DNAJC1: variants seen among roughly 807,000 people sequenced by gnomAD.
DNAJC1 encodes DnaJ heat shock protein family (Hsp40) member C1, also known as dnaJ homolog subfamily C member 1.
A neutral mutation model predicts 76.6 loss-of-function variants in DNAJC1; 58 were observed. That is an observed-to-expected ratio of 0.76 (90% CI 0.61 to 0.94). The LOEUF is 0.94. Among genes scored for constraint, DNAJC1 ranks in the 40% least tolerant of loss-of-function variants. The pLI is 0.00. For missense variants in DNAJC1, 689 were observed against 677.3 expected, an observed-to-expected ratio of 1.02 and a Z score of -0.19; for synonymous variants, 258 against 267.9, an observed-to-expected ratio of 0.96 and a Z score of 0.36.
Position 21,836,964 on chromosome 10 carries a change from G to A in DNAJC1, c.979-30865C>T, listed in dbSNP as rs560838242. ...CACGGTCTCCCTCTGATGCCGAGCC[G>A]AAGCTAGACTGTACTGCTGCCATCT... On this transcript the variant is annotated intron_variant, in intron 8 of 11. Transcript: ENST00000376980. Among the ~76,000 whole-genome samples the A allele has an allele frequency of 7.9e-5, 12 of 152,306 alleles. No homozygotes were observed. In the South Asian group the frequency reaches 1.2e-3, roughly 16 times the overall value.
chr10:21,759,424 C>G lies in DNAJC1; in HGVS notation c.1342G>C (p.Ala448Pro), dbSNP rs1364538652. Reference protein sequence around the residue: ...TDARPRRRKPARLLEATAKPE... With the variant: ...TDARPRRRKPPRLLEATAKPE... ...TTCGCTGTAGCCTCCAGCAGCCTGG[C>G]TGGCTTCCGCCTCCGAGGCCGGGCA... The change falls in exon 11 of 12, where the codon GCC (alanine) becomes CCC (proline). Residue 448 changes from alanine (A) to proline (P), a missense_variant. By Grantham distance (27) the Ala-to-Pro change is conservative (BLOSUM62 -1). Coordinates refer to ENST00000376980, the MANE Select transcript of DNAJC1 (RefSeq NM_022365.4). 2 of 1,614,164 alleles carry G rather than the reference C, an allele frequency of 1.2e-6. No individual in the cohort carries two copies. The highest frequency in any genetic ancestry group is 8.5e-7 in the Non-Finnish European group (1 of 1,180,036).
At chr10:21,874,814 T>C (rs199908771) in intron 8 of DNAJC1, among the ~76,000 whole-genome samples, 1 of 152,214 alleles carries the variant, frequency 6.6e-6, no homozygotes, top group East Asian at 1.9e-4. Flanking sequence ...ACAAAAATGT[T>C]ATAAAAAGCC....
intron 9 of DNAJC1, among the ~76,000 whole-genome samples, chr10:21,784,074 C>T (rs1055835418): frequency 2.0e-5 from 3 of 152,184 alleles, no homozygotes; most frequent in East Asian, 1.9e-4. Flanking sequence ...AGCTAAACAG[C>T]TTCTGCACAG....
intron 8 of DNAJC1, among the ~76,000 whole-genome samples, chr10:21,865,055 G>A (rs919073423): frequency 2.6e-5 from 4 of 152,042 alleles, no homozygotes; most frequent in African/African-American, 9.7e-5. Context: ...AATTAAAGAG[G>A]GTGATGATAA....
intron 1 of DNAJC1, among the ~76,000 whole-genome samples, chr10:21,932,364 T>C (rs1250283258): frequency 6.6e-6 from 1 of 151,926 alleles, no homozygotes; most frequent in Non-Finnish European, 1.5e-5. Context: ...CAACAAACCC[T>C]GAAAATAATG....
At chr10:21,862,427 A>AT (rs535547596) in intron 8 of DNAJC1, among the ~76,000 whole-genome samples, 1,724 of 131,852 alleles carry the variant, frequency 0.013, 29 homozygotes, top group African/African-American at 0.032. Context: ...CTGTTACTAC[A>AT]TTTTTTTTTT....
intron 6 of DNAJC1, among the ~76,000 whole-genome samples, chr10:21,911,463 TAA>T (rs957050770): frequency 2.6e-5 from 4 of 152,274 alleles, no homozygotes; most frequent in South Asian, 2.1e-4. Context: ...TACATTTTGA[TAA>T]GAGTCAAAAT....
chr10:21,885,081 A>G (rs969436036), intron 7 of DNAJC1, among the ~76,000 whole-genome samples: 1 of 152,100 alleles, frequency 6.6e-6, no homozygotes, highest in Non-Finnish European at 1.5e-5. Context: ...CAAGCTGGAT[A>G]AAAAAACAAG....
At chr10:21,789,978 C>A (rs1834660766) in intron 9 of DNAJC1, among the ~76,000 whole-genome samples, 1 of 139,120 alleles carries the variant, frequency 7.2e-6, no homozygotes. Context: ...CCACTACACT[C>A]CAGCCTGGGC....
At chr10:21,984,856 A>G (rs180999506) in intron 1 of DNAJC1, among the ~76,000 whole-genome samples, 4 of 152,332 alleles carry the variant, frequency 2.6e-5, no homozygotes, top group Admixed American at 6.5e-5. Flanking sequence ...ATGCAACAGT[A>G]GAAATAACCT....
At chr10:21,893,165 A>G (rs1836485009) in intron 7 of DNAJC1, among the ~76,000 whole-genome samples, 1 of 152,194 alleles carries the variant, frequency 6.6e-6, no homozygotes, top group African/African-American at 2.4e-5. Context: ...TTTAACTCAT[A>G]CAGAGTATGC....
intron 1 of DNAJC1, among the ~76,000 whole-genome samples, chr10:21,970,779 GA>G (rs1264298596): frequency 3.3e-5 from 5 of 151,716 alleles, no homozygotes; most frequent in South Asian, 2.1e-4. Context: ...ATTATGGTAT[GA>G]AAAAAAAGAT....
At chr10:21,811,792 G>C (rs774831170) in intron 8 of DNAJC1, among the ~76,000 whole-genome samples, 4 of 152,106 alleles carry the variant, frequency 2.6e-5, no homozygotes, top group Non-Finnish European at 5.9e-5. Context: ...TCTCTCAGTG[G>C]TCATGTTTTA....
intron 8 of DNAJC1, among the ~76,000 whole-genome samples, chr10:21,868,101 A>C (rs1170843717): frequency 6.8e-6 from 1 of 147,350 alleles, no homozygotes; most frequent in Non-Finnish European, 1.5e-5. Flanking sequence ...AAAAAAAAAA[A>C]CAACAACTGG....
intron 8 of DNAJC1, among the ~76,000 whole-genome samples, chr10:21,881,128 C>CT (rs1836268648): frequency 6.6e-6 from 1 of 152,220 alleles, no homozygotes; most frequent in South Asian, 2.1e-4. Flanking sequence ...AGCTTCCTCA[C>CT]TTCTCTTGGC....
chr10:21,924,882 A>T (rs1438163707), intron 3 of DNAJC1, among the ~76,000 whole-genome samples: 1 of 152,218 alleles, frequency 6.6e-6, no homozygotes, highest in Non-Finnish European at 1.5e-5. Context: ...TGTACTGAAC[A>T]CTGTAGGCAA....
chr10:21,764,011 T>C (rs183605428), intron 10 of DNAJC1, among the ~76,000 whole-genome samples: 27 of 152,136 alleles, frequency 1.8e-4, no homozygotes, highest in Non-Finnish European at 1.9e-4. Context: ...TGCCTTAAGA[T>C]AAAAACAAAG....
At chr10:21,998,389 C>CAAA (rs60371730) in intron 1 of DNAJC1, among the ~76,000 whole-genome samples, 62 of 95,654 alleles carry the variant, frequency 6.5e-4, no homozygotes, top group Admixed American at 1.3e-3. Flanking sequence ...GACTCCATCT[C>CAAA]AAAAAAAAAA....
chr10:21,884,551 A>C lies in DNAJC1; in HGVS notation c.821-2112T>G, dbSNP rs73594516. Reference sequence around the variant, plus strand: ...GCCTTTTCCCCAGCAATTCTCCCAGAAACAAAAGTACTCAAATATAACTGT... The same window carrying C: ...GCCTTTTCCCCAGCAATTCTCCCAGCAACAAAAGTACTCAAATATAACTGT... On this transcript the variant is annotated intron_variant, in intron 7 of 11. Coordinates refer to ENST00000376980, the MANE Select transcript of DNAJC1 (RefSeq NM_022365.4). 3.0e-3 allele frequency among the ~76,000 whole-genome samples: 454 copies of C among 152,302 alleles called. 1 individual carries two copies. The highest frequency in any genetic ancestry group is 0.01 in the African/African-American group (426 of 41,576).
Sources: allele counts gnomAD v4.1 joint callset (sites outside exome capture counted in the v4.1 genomes callset), GRCh38; gene constraint gnomAD v4.1.1; transcripts MANE v1.5; gene names NCBI Gene and HGNC (gene_info 2026-07-23, HGNC 2026-07-21).